Variants in LMO7 observed in about 807,000 individuals in gnomAD.
The protein encoded by LMO7 is LIM domain 7, also known as LIM domain only protein 7.
A neutral mutation model predicts 206.5 loss-of-function variants in LMO7; 120 were observed. The observed-to-expected ratio is 0.58, with a 90% confidence interval of 0.50 to 0.68. The LOEUF (loss-of-function observed/expected upper bound fraction) is 0.68. Among genes scored for constraint, LMO7 ranks in the 30% least tolerant of loss-of-function variants. The pLI is 0.00. For synonymous variants in LMO7, 706 were observed against 681.5 expected (o/e 1.04, Z -0.56); for missense variants, 1,959 against 1,957.9 (o/e 1.00, Z -0.01).
intron 4 of LMO7, among the ~76,000 whole-genome samples, chr13:75,779,719 C>T (rs571876205): frequency 2.6e-5 from 4 of 152,206 alleles, no homozygotes; most frequent in South Asian, 4.1e-4. Context: ...ATTGACATAA[C>T]GCATCCCATT....
rs377386353 is a variant in LMO7 at position 75,853,181 on chromosome 13, C to T, written c.4454C>T (p.Ser1485Phe). ...AATCAGCCCACAGGATTCTATGCTTCTTCCTCTGTGCAAGACTTTAGTCGC... is the reference window on the plus strand; with the variant it reads ...AATCAGCCCACAGGATTCTATGCTTTTTCCTCTGTGCAAGACTTTAGTCGC... ...WLNQPTGFYA[S>F]SSVQDFSRPP... The change falls in exon 28 of 31, where the codon TCT becomes TTT. Residue 1485 changes from serine (S) to phenylalanine (F), a missense_variant. Transcript: ENST00000377534. 2 of 1,614,048 alleles carry T rather than the reference C, an allele frequency of 1.2e-6. No individual in the cohort carries two copies. Among genetic ancestry groups the T allele is most frequent in the African/African-American group, 2.7e-5 (2 of 74,928 alleles).
At chr13:75,678,644 C>T (rs1299409499) in intron 1 of LMO7, among the ~76,000 whole-genome samples, 1 of 152,138 alleles carries the variant, frequency 6.6e-6, no homozygotes, top group African/African-American at 2.4e-5. Context: ...GTGAGACCAG[C>T]TCTCCTCCTC....
intron 1 of LMO7, among the ~76,000 whole-genome samples, chr13:75,659,619 C>T (rs2038385190): frequency 6.6e-6 from 1 of 152,114 alleles, no homozygotes; most frequent in Non-Finnish European, 1.5e-5. Context: ...GAAAGACCGG[C>T]CCACATGATT....
intron 3 of LMO7, among the ~76,000 whole-genome samples, chr13:75,731,762 T>C (rs2045253483): frequency 6.6e-6 from 1 of 152,222 alleles, no homozygotes; most frequent in South Asian, 2.1e-4. Context: ...TTGTGGCGGC[T>C]GGTATCAGTT....
chr13:75,808,276 C>G, intron 10 of LMO7, 77 bp downstream of exon 10: 2 of 1,441,842 alleles, frequency 1.4e-6, no homozygotes, highest in Non-Finnish European at 1.8e-6. Flanking sequence ...GAAAGCAGCT[C>G]ATCGTGTTGC....
intron 25 of LMO7, among the ~76,000 whole-genome samples, chr13:75,844,242 A>T (rs2059790384): frequency 1.3e-5 from 2 of 152,066 alleles, no homozygotes; most frequent in Admixed American, 1.3e-4. Flanking sequence ...GATACAAGTG[A>T]AATTATTCAC....
At chr13:75,766,257 T>C (rs892573077) in intron 4 of LMO7, among the ~76,000 whole-genome samples, 1 of 122,308 alleles carries the variant, frequency 8.2e-6, no homozygotes, top group African/African-American at 3.0e-5. Context: ...TTTTTTTTTT[T>C]ATGTGAGCTT....
Position 75,711,358 on chromosome 13 carries a change from A to T in LMO7, c.70-1824A>T, listed in dbSNP as rs187644139. Among the ~76,000 whole-genome samples, 370 of 152,318 alleles carry T rather than the reference A, an allele frequency of 2.4e-3. 4 individuals carry two copies. Among genetic ancestry groups the T allele is most frequent in the Middle Eastern group, 6.8e-3 (2 of 294 alleles). Reference sequence around the variant, plus strand: ...TCCCTCTTTTTCTATTGATTAGAATAGTTTCAGAAGGAATGGTACCAGCTC... The same window carrying T: ...TCCCTCTTTTTCTATTGATTAGAATTGTTTCAGAAGGAATGGTACCAGCTC... On this transcript the variant is annotated intron_variant, in intron 1 of 30. Transcript: ENST00000377534.
At chr13:75,809,272 A>T (rs151237725) in intron 11 of LMO7, 89 bp downstream of exon 11, 17,365 of 1,135,284 alleles carry the variant, frequency 0.015, 358 homozygotes, top group South Asian at 0.071. Context: ...ATGTCACTAA[A>T]TGGGGTTGTT....
rs2057567344 is a variant in LMO7 at position 75,821,506 on chromosome 13, G to T, written c.2537G>T (p.Arg846Ile). ...ESTRVSASLP[R>I]SYRKTDTVRL... ...ACTCGTGTTTCAGCTTCTCTCCCCA[G>T]AAGTTACCGGAAAACTGATACAGTC... The change falls in exon 14 of 31, where the codon AGA (arginine) becomes ATA (isoleucine). Residue 846 changes from arginine (R) to isoleucine (I), a missense_variant. By Grantham distance (97) the Arg-to-Ile change is moderately conservative. Coordinates refer to ENST00000377534, the MANE Select transcript of LMO7 (RefSeq NM_001306080.2). 1 of 1,613,974 alleles carries T rather than the reference G, an allele frequency of 6.2e-7. No individual in the cohort carries two copies.
intron 20 of LMO7, among the ~76,000 whole-genome samples, chr13:75,838,838 C>T (rs565120870): frequency 3.9e-5 from 6 of 152,148 alleles, no homozygotes; most frequent in Admixed American, 6.5e-5. Context: ...CATTTGCTCC[C>T]GTGTCACGTT....
chr13:75,690,765 T>C (rs764481609), intron 1 of LMO7, among the ~76,000 whole-genome samples: 3 of 152,222 alleles, frequency 2.0e-5, no homozygotes, highest in Non-Finnish European at 4.4e-5. Flanking sequence ...GTTTAAGGTG[T>C]GGTTTTCAAT....
upstream of LMO7, among the ~76,000 whole-genome samples, chr13:75,635,439 C>T (rs2035657523): frequency 6.6e-6 from 1 of 152,128 alleles, no homozygotes; most frequent in African/African-American, 2.4e-5. Flanking sequence ...CCGCCCCGCC[C>T]CCAACCCCCC....
At chr13:75,666,942 C>T (rs2039126105) in intron 1 of LMO7, among the ~76,000 whole-genome samples, 1 of 152,008 alleles carries the variant, frequency 6.6e-6, no homozygotes. Flanking sequence ...TCAAATAGAT[C>T]TAAAGGAGGT....
intron 4 of LMO7, among the ~76,000 whole-genome samples, chr13:75,794,208 A>G (rs1006190089): frequency 3.3e-5 from 5 of 152,220 alleles, no homozygotes; most frequent in Non-Finnish European, 7.3e-5. Context: ...ATATCAATGT[A>G]TTTAGCTTGA....
At chr13:75,650,139 C>G (rs1566274298) in intron 1 of LMO7, among the ~76,000 whole-genome samples, 1 of 148,940 alleles carries the variant, frequency 6.7e-6, no homozygotes, top group East Asian at 2.0e-4. Context: ...TTTTCTTTTT[C>G]TTTTTTTTTG....
Position 75,657,561 on chromosome 13 carries a change from T to C in LMO7, c.69+20835T>C, listed in dbSNP as rs148089870. Reference sequence around the variant, plus strand: ...TAATATGATCCAGATCCCTGCCAAGTAGAAGAGAGAATGAATATGAACCCA... The same window carrying C: ...TAATATGATCCAGATCCCTGCCAAGCAGAAGAGAGAATGAATATGAACCCA... On this transcript the variant is annotated intron_variant, in intron 1 of 30. Coordinates refer to ENST00000377534, the MANE Select transcript of LMO7 (RefSeq NM_001306080.2). Among the ~76,000 whole-genome samples, 1,292 of 152,272 alleles carry C rather than the reference T, an allele frequency of 8.5e-3. 8 individuals carry two copies. Among genetic ancestry groups the C allele is most frequent in the Admixed American group, 0.016 (240 of 15,296 alleles).
At chr13:75,702,500 G>A (rs1020601913) in intron 1 of LMO7, among the ~76,000 whole-genome samples, 1 of 152,156 alleles carries the variant, frequency 6.6e-6, no homozygotes, top group African/African-American at 2.4e-5. Flanking sequence ...AATGATATTA[G>A]TATTGGCAAA....
intron 7 of LMO7, among the ~76,000 whole-genome samples, chr13:75,802,645 G>C (rs896443397): frequency 6.6e-6 from 1 of 152,170 alleles, no homozygotes; most frequent in Non-Finnish European, 1.5e-5. Flanking sequence ...GAAGGCCACT[G>C]TCACATCCCT....
Sources: allele counts gnomAD v4.1 joint callset (sites outside exome capture counted in the v4.1 genomes callset), GRCh38; gene constraint gnomAD v4.1.1; transcripts MANE v1.5; gene names NCBI Gene and HGNC (gene_info 2026-07-23, HGNC 2026-07-21).